Variants in VWA3B observed in about 807,000 individuals in gnomAD.
The protein encoded by VWA3B is von Willebrand factor A domain containing 3B, also known as von Willebrand factor A domain-containing protein 3B.
VWA3B carries 138 observed loss-of-function variants against 158.3 expected under a neutral mutation model. The ratio of observed to expected loss-of-function variants is 0.87; its 90% CI spans 0.76 to 1.00. The LOEUF is 1.00. Among genes scored for constraint, VWA3B ranks in the 50% least tolerant of loss-of-function variants. The probability of loss-of-function intolerance (pLI) is 0.00; values close to 1 mark genes in which losing one functional copy is unlikely to be tolerated. For missense variants in VWA3B, 1,555 were observed against 1,565.1 expected (o/e 0.99, Z 0.11); for synonymous variants, 596 against 587.3 (o/e 1.01, Z -0.21).
chr2:98,240,322 C>T (rs189871525), intron 19 of VWA3B, among the ~76,000 whole-genome samples: 23 of 152,218 alleles, frequency 1.5e-4, no homozygotes, highest in Non-Finnish European at 3.2e-4. Flanking sequence ...GGTCTCATGC[C>T]TATAGTTGCA....
At chr2:98,087,424 GC>G (rs1242829158) in intron 1 of VWA3B, 61 bp downstream of exon 1, 3 of 152,262 alleles carry the variant, frequency 2.0e-5, no homozygotes, top group Non-Finnish European at 4.4e-5. Context: ...CTTCCAACAA[GC>G]GGCCTAGGGA....
In VWA3B at chr2:98,312,624, C is replaced by G; in HGVS notation, c.*275C>G. ...TTCCATCTTCTGGTAGACGCCCCAC[C>G]CCCAGAAGTTTTAACCTGAAGGATG... On this transcript the variant is annotated 3_prime_UTR_variant, in exon 28 of 28. Transcript: ENST00000477737. The G allele has an allele frequency of 2.7e-6, 1 of 377,304 alleles. No individual in the cohort carries two copies. The allele number at this position is 377,304 out of a possible 1,614,324, so 23.4% of individuals were successfully genotyped here.
At chr2:98,297,433 T>C (rs1271084636) in intron 23 of VWA3B, among the ~76,000 whole-genome samples, 1 of 152,188 alleles carries the variant, frequency 6.6e-6, no homozygotes, top group African/African-American at 2.4e-5. Context: ...GGAAGCTGAG[T>C]ATGTTCAGTC....
chr2:98,294,236 C>T (rs1400734259), intron 23 of VWA3B, among the ~76,000 whole-genome samples: 2 of 135,354 alleles, frequency 1.5e-5, no homozygotes, highest in African/African-American at 2.8e-5. Context: ...AAAAAGAAGG[C>T]CAAATAAAAT....
chr2:98,205,609 A>G (rs1682949947), intron 12 of VWA3B, among the ~76,000 whole-genome samples: 1 of 152,126 alleles, frequency 6.6e-6, no homozygotes, highest in Admixed American at 6.5e-5. Context: ...TTGAGGTAGG[A>G]ACATAAATTA....
At chr2:98,301,351 CT>C (rs1558777162) in intron 25 of VWA3B, among the ~76,000 whole-genome samples, 1 of 152,098 alleles carries the variant, frequency 6.6e-6, no homozygotes, top group East Asian at 1.9e-4. Context: ...AACATTCACT[CT>C]GCTCTTTATT....
chr2:98,312,053 A>T, intron 27 of VWA3B, 21 bp downstream of exon 27: 1 of 1,591,826 alleles, frequency 6.3e-7, no homozygotes, highest in Non-Finnish European at 8.6e-7. Context: ...TGGGGGGGGA[A>T]CACAACATCG....
At chr2:98,236,928 CA>C in intron 19 of VWA3B, 198 bp downstream of exon 19, 1 of 654,576 alleles carries the variant, frequency 1.5e-6, no homozygotes, top group Non-Finnish European at 2.4e-6. Context: ...GTAACCCCAG[CA>C]CTTGGGAAGG....
chr2:98,254,976 C>T (rs1302700322), intron 20 of VWA3B, among the ~76,000 whole-genome samples: 1 of 152,056 alleles, frequency 6.6e-6, no homozygotes, highest in South Asian at 2.1e-4. Context: ...CAGTAGCATT[C>T]TCCTACCTCA....
chr2:98,280,339 CAAAGA>C (rs1341259527), intron 22 of VWA3B, among the ~76,000 whole-genome samples: 2 of 151,574 alleles, frequency 1.3e-5, no homozygotes, highest in Non-Finnish European at 2.9e-5. Flanking sequence ...TTTGCTGCCA[CAAAGA>C]AAAGAAAGAG....
At chr2:98,273,465 G>T (rs1688327880) in intron 22 of VWA3B, among the ~76,000 whole-genome samples, 2 of 152,190 alleles carry the variant, frequency 1.3e-5, no homozygotes, top group South Asian at 4.1e-4. Context: ...TCTTTGGGAA[G>T]TACCATCTGA....
chr2:98,110,138 C>G (rs1391727794), intron 2 of VWA3B, among the ~76,000 whole-genome samples: 2 of 150,124 alleles, frequency 1.3e-5, no homozygotes, highest in African/African-American at 4.9e-5. Flanking sequence ...TTCTGGCACT[C>G]CAATAATATG....
At chr2:98,291,953 TAC>T (rs1267222637) in intron 23 of VWA3B, 1 of 146,774 alleles carries the variant, frequency 6.8e-6, no homozygotes, top group African/African-American at 2.5e-5. Context: ...GCAAAAAGAT[TAC>T]ATTGCAGGGC....
At chr2:98,135,155 T>C (rs1676164319) in intron 7 of VWA3B, among the ~76,000 whole-genome samples, 1 of 152,182 alleles carries the variant, frequency 6.6e-6, no homozygotes, top group African/African-American at 2.4e-5. Context: ...TGTGAGATGT[T>C]ACTAGCAAAC....
At chr2:98,242,914 T>C (rs1413237153) in intron 19 of VWA3B, among the ~76,000 whole-genome samples, 2 of 151,720 alleles carry the variant, frequency 1.3e-5, no homozygotes, top group Non-Finnish European at 2.9e-5. Flanking sequence ...CACAAAACTG[T>C]ACACTGATAG....
At chr2:98,115,101 CT>C (rs369549458) in intron 2 of VWA3B, among the ~76,000 whole-genome samples, 17,964 of 131,452 alleles carry the variant, frequency 0.14, 1,071 homozygotes, top group African/African-American at 0.18. Context: ...TCCTATGTTG[CT>C]TTTTTTTTTT....
At chr2:98,136,632 C>G (rs1377794080) in intron 7 of VWA3B, among the ~76,000 whole-genome samples, 1 of 151,654 alleles carries the variant, frequency 6.6e-6, no homozygotes, top group Non-Finnish European at 1.5e-5. Flanking sequence ...ACTGGACACT[C>G]CCTTCAGCCT....
At chr2:98,150,513 G>A (rs1677535522) in intron 7 of VWA3B, among the ~76,000 whole-genome samples, 1 of 152,246 alleles carries the variant, frequency 6.6e-6, no homozygotes, top group Admixed American at 6.5e-5. Flanking sequence ...AGCCCTCTGA[G>A]CACTTGTGCA....
chr2:98,118,660 C>T (rs1022735736), intron 3 of VWA3B, among the ~76,000 whole-genome samples: 6 of 152,136 alleles, frequency 3.9e-5, no homozygotes, highest in African/African-American at 1.4e-4. Context: ...TAAACCCAGG[C>T]ATTTGAGCCA....
Sources: gnomAD v4.1 joint callset for allele counts (sites outside exome capture counted in the v4.1 genomes callset) on GRCh38, gnomAD v4.1.1 for gene constraint, MANE v1.5 for transcripts, NCBI Gene and HGNC (gene_info 2026-07-23, HGNC 2026-07-21) for gene names.